The following TACC2 variants were observed in gnomAD, a reference collection of about 807,000 sequenced individuals.
TACC2 encodes transforming acidic coiled-coil containing protein 2.
Under a neutral mutation model 227.3 loss-of-function variants are expected in TACC2, and 137 were observed. The ratio of observed to expected loss-of-function variants is 0.60; its 90% confidence interval spans 0.52 to 0.69. The LOEUF (loss-of-function observed/expected upper bound fraction) is 0.69. Among genes scored for constraint, TACC2 ranks in the 30% least tolerant of loss-of-function variants. The pLI is 0.00. For synonymous variants in TACC2, 1,523 were observed against 1,487.5 expected (o/e 1.02, Z -0.55); for missense variants, 3,470 against 3,694.4 (o/e 0.94, Z 1.57).
rs555515936 is a variant in TACC2 at position 122,209,685 on chromosome 10, A to G, written c.5972-712A>G. Among the ~76,000 whole-genome samples, 1 of 152,096 alleles carries G rather than the reference A, an allele frequency of 6.6e-6. No homozygotes were observed. The highest frequency in any genetic ancestry group is 1.9e-4 in the East Asian group (1 of 5,166). Reference sequence around the variant, plus strand: ...CATGTATCACCCTCTGAAATTCTGTACATTGTTTGTTTGTTTTTGAGACAG... The same window carrying G: ...CATGTATCACCCTCTGAAATTCTGTGCATTGTTTGTTTGTTTTTGAGACAG... On this transcript the variant is annotated intron_variant, in intron 8 of 22. Transcript: ENST00000369005. This position sits in a 1 kb window ranked among gnomAD's most constrained non-coding sequence, Gnocchi z 4.5.
intron 13 of TACC2, among the ~76,000 whole-genome samples, chr10:122,226,708 G>C (rs1415488638): frequency 6.6e-6 from 1 of 151,766 alleles, no homozygotes; most frequent in Non-Finnish European, 1.5e-5. Flanking sequence ...CAAAGTGCTG[G>C]GATTATAGGC....
chr10:122,034,218 T>C (rs1014041851), intron 2 of TACC2, among the ~76,000 whole-genome samples: 15 of 149,470 alleles, frequency 1.0e-4, no homozygotes, highest in Non-Finnish European at 2.2e-4. Context: ...GGTGGTGCAC[T>C]TGATGCATTT....
At chr10:122,013,040 A>C (rs1293247740) in intron 1 of TACC2, among the ~76,000 whole-genome samples, 1 of 152,128 alleles carries the variant, frequency 6.6e-6, no homozygotes. Flanking sequence ...CCAACATCTG[A>C]ATGTGGGGGA....
At chr10:122,003,557 A>G (rs926705026) in intron 1 of TACC2, among the ~76,000 whole-genome samples, 1 of 152,066 alleles carries the variant, frequency 6.6e-6, no homozygotes, top group African/African-American at 2.4e-5. Context: ...TTTGCCTTTA[A>G]CCTCCAAACT....
chr10:122,236,145 G>A (rs951658407), intron 16 of TACC2, among the ~76,000 whole-genome samples: 2 of 152,098 alleles, frequency 1.3e-5, no homozygotes, highest in African/African-American at 2.4e-5. Flanking sequence ...GGGTAGGCAC[G>A]CCTGTTCTGG....
At chr10:122,229,615 T>C in intron 15 of TACC2, 129 bp downstream of exon 15, 1 of 1,045,624 alleles carries the variant, frequency 9.6e-7, no homozygotes, top group Non-Finnish European at 1.4e-6. Context: ...TGACATATCT[T>C]CCCCTCAAAG....
chr10:122,009,048 G>T (rs1047995829), intron 1 of TACC2, among the ~76,000 whole-genome samples: 2 of 152,192 alleles, frequency 1.3e-5, no homozygotes, highest in African/African-American at 4.8e-5. Context: ...TGTCCCAACT[G>T]TTTCTAGGGA....
At chr10:122,213,039 A>G (rs939434810) in intron 9 of TACC2, among the ~76,000 whole-genome samples, 2 of 152,222 alleles carry the variant, frequency 1.3e-5, no homozygotes, top group South Asian at 2.1e-4. Flanking sequence ...TTGTTTGAAT[A>G]TTAGAGCTAA....
chr10:122,118,304 C>T (rs111751466), intron 5 of TACC2, among the ~76,000 whole-genome samples: 8 of 152,230 alleles, frequency 5.3e-5, no homozygotes, highest in Admixed American at 1.3e-4. Flanking sequence ...TGTGAGCCAC[C>T]GCGCCCAGCC....
At chr10:122,153,355 C>T (rs542759750) in intron 7 of TACC2, among the ~76,000 whole-genome samples, 1 of 152,314 alleles carries the variant, frequency 6.6e-6, no homozygotes, top group African/African-American at 2.4e-5. Flanking sequence ...TTGTTGTGCC[C>T]ATTTTATAGA....
At chr10:122,242,190 CT>C (rs746027978) in intron 19 of TACC2, among the ~76,000 whole-genome samples, 189 bp downstream of exon 19, 34 of 152,320 alleles carry the variant, frequency 2.2e-4, no homozygotes, top group Non-Finnish European at 3.7e-4. Flanking sequence ...TAACACCCCC[CT>C]GAACTGTGCC....
intron 3 of TACC2, among the ~76,000 whole-genome samples, chr10:122,070,296 A>G (rs1012294372): frequency 6.6e-6 from 1 of 152,152 alleles, no homozygotes; most frequent in Non-Finnish European, 1.5e-5. Context: ...GATTTTAATT[A>G]ATGCTAGGAG....
At chr10:122,235,645 G>A (rs1244048599) in intron 16 of TACC2, among the ~76,000 whole-genome samples, 1 of 152,120 alleles carries the variant, frequency 6.6e-6, no homozygotes, top group Non-Finnish European at 1.5e-5. Flanking sequence ...GTTCCCCCAT[G>A]ACAAGCAGAA....
chr10:122,155,239 G>A (rs1204662840), intron 7 of TACC2, among the ~76,000 whole-genome samples: 5 of 152,208 alleles, frequency 3.3e-5, no homozygotes, highest in Non-Finnish European at 2.9e-5. Context: ...TCTCCAGTCC[G>A]GCCTCAGAAA....
At position 122,063,990 on chromosome 10, in the gene TACC2, C is replaced by T. The variant is rs184659706; in HGVS notation, c.146+13440C>T. ...CAGCCTGGCCAACATGGTGAAACCC[C>T]GTCTCTACTAAAAATACAAAAATTA... On this transcript the variant is annotated intron_variant, in intron 3 of 22. Transcript: ENST00000369005. Among the ~76,000 whole-genome samples, 159 of 151,820 alleles carry T rather than the reference C, an allele frequency of 1.0e-3. 1 individual carries two copies. Among genetic ancestry groups the T allele is most frequent in the African/African-American group, 3.6e-3 (147 of 41,390 alleles).
chr10:122,020,615 CCATGAAGAAATCTT>C (rs1461198453), intron 1 of TACC2, among the ~76,000 whole-genome samples: 1 of 152,126 alleles, frequency 6.6e-6, no homozygotes, highest in Non-Finnish European at 1.5e-5. Flanking sequence ...AACCATATTT[CCATGAAGAAATCTT>C]CAATTAGAAG....
chr10:122,222,673 T>C (rs2095544013), intron 11 of TACC2, among the ~76,000 whole-genome samples: 1 of 152,154 alleles, frequency 6.6e-6, no homozygotes, highest in Non-Finnish European at 1.5e-5. Context: ...CCAGAAGAGC[T>C]GAGGTTCCAA....
intron 3 of TACC2, among the ~76,000 whole-genome samples, chr10:122,053,708 G>C (rs1206625751): frequency 2.0e-5 from 3 of 152,218 alleles, no homozygotes; most frequent in Non-Finnish European, 4.4e-5. Flanking sequence ...TCTGGAAGTA[G>C]AGAGGGACTC....
intron 7 of TACC2, among the ~76,000 whole-genome samples, chr10:122,158,010 C>A (rs2092596732): frequency 6.7e-6 from 1 of 150,244 alleles, no homozygotes. Context: ...GACTGGCCTT[C>A]CTCCCTCCTT....
Sources: gnomAD v4.1 joint callset for allele counts (sites outside exome capture counted in the v4.1 genomes callset) on GRCh38, gnomAD v4.1.1 for gene constraint, Gnocchi (gnomAD v3.1) non-coding constraint, MANE v1.5 for transcripts, NCBI Gene and HGNC (gene_info 2026-07-23, HGNC 2026-07-21) for gene names.